Variants in DPP6 observed in about 807,000 individuals in gnomAD.
DPP6 encodes dipeptidyl peptidase like 6.
A neutral mutation model predicts 122.6 loss-of-function variants in DPP6; 69 were observed. That is an observed-to-expected ratio of 0.56 (90% CI 0.46 to 0.69). The LOEUF is 0.69. DPP6 is among the 30% of genes least tolerant of loss of function. DPP6 has a pLI of 0.00. For missense variants in DPP6, 928 were observed against 1,116.9 expected, an observed-to-expected ratio of 0.83 and a Z score of 2.41; for synonymous variants, 418 against 433.1, an observed-to-expected ratio of 0.97 and a Z score of 0.43.
At chr7:154,196,236 T>A (rs1798859983) in intron 1 of DPP6, among the ~76,000 whole-genome samples, 1 of 152,154 alleles carries the variant, frequency 6.6e-6, no homozygotes, top group South Asian at 2.1e-4. Flanking sequence ...ATGCCTGTAA[T>A]CCCAGCACTT....
the DPP6 span, among the ~76,000 whole-genome samples, chr7:153,773,125 G>T: frequency 1.4e-5 from 2 of 148,140 alleles, no homozygotes; most frequent in Non-Finnish European, 3.0e-5. Context: ...TCTCCAGGGA[G>T]GTGTAACAAT....
At chr7:154,472,628 TG>T (rs1353773549) in intron 2 of DPP6, among the ~76,000 whole-genome samples, 16 of 152,212 alleles carry the variant, frequency 1.1e-4, no homozygotes, top group Non-Finnish European at 2.1e-4. Flanking sequence ...GCATGGTTTG[TG>T]GAATGTGGCA....
At chr7:154,658,506 A>C (rs527834733) in intron 6 of DPP6, among the ~76,000 whole-genome samples, 314 of 152,268 alleles carry the variant, frequency 2.1e-3, no homozygotes, top group African/African-American at 7.2e-3. Flanking sequence ...GACTGAGAGG[A>C]GGGAGGAGCA....
chr7:154,767,690 ACTCAAGAACACACAGCAGGACTGGGG>A (rs891228221), intron 8 of DPP6, among the ~76,000 whole-genome samples: 2 of 151,956 alleles, frequency 1.3e-5, no homozygotes, highest in African/African-American at 4.8e-5. Flanking sequence ...GCAGATCGGG[ACTCAAGAACACACAGCAGGACTGGGG>A]CTCAAGTCCA....
At chr7:153,972,129 A>G (rs764226301) in intron 1 of DPP6, among the ~76,000 whole-genome samples, 4 of 151,424 alleles carry the variant, frequency 2.6e-5, no homozygotes, top group African/African-American at 7.3e-5. Context: ...TAGGTTTACT[A>G]TCACACTGAT....
chr7:154,223,525 G>T (rs999957020), intron 1 of DPP6, among the ~76,000 whole-genome samples: 1 of 149,374 alleles, frequency 6.7e-6, no homozygotes, highest in African/African-American at 2.5e-5. Flanking sequence ...TGATAGTGGG[G>T]TGTAAGCCAG....
At chr7:154,672,784 G>A (rs539254509) in intron 7 of DPP6, among the ~76,000 whole-genome samples, 2 of 152,182 alleles carry the variant, frequency 1.3e-5, no homozygotes, top group African/African-American at 2.4e-5. Context: ...AGCAGGGGCC[G>A]CCTTCTTCTG....
In DPP6 at chr7:154,140,468, G is replaced by C. The variant is rs567913170; in HGVS notation, c.243+87405G>C. Among the ~76,000 whole-genome samples the C allele has an allele frequency of 8.6e-3, 752 of 87,234 alleles. 5 individuals carry two copies. Among genetic ancestry groups the C allele is most frequent in the African/African-American group, 0.025 (720 of 28,672 alleles). The allele number at this position is 87,234 out of a possible 152,430, so 57.2% of individuals were successfully genotyped here. A position where few individuals can be genotyped will look rare whatever the true frequency, so the allele number is the denominator to read the frequency against. On this transcript the variant is annotated intron_variant, in intron 1 of 25. Coordinates refer to ENST00000377770, the MANE Select transcript of DPP6 (RefSeq NM_130797.4). ...GGAATCCATTTTGGTTTTGGGGTTT[G>C]TTTGTTTGTTTATTTACTTTTTTTA...
chr7:154,381,046 C>CA (rs1382693657), intron 1 of DPP6, among the ~76,000 whole-genome samples: 1 of 152,182 alleles, frequency 6.6e-6, no homozygotes, highest in Non-Finnish European at 1.5e-5. Context: ...ACATCCTGCC[C>CA]TGGGCGTGGG....
chr7:154,380,182 A>G lies in DPP6; in HGVS notation c.244-66032A>G, dbSNP rs79270477. 1.3e-3 allele frequency among the ~76,000 whole-genome samples: 195 copies of G among 152,354 alleles called. 1 individual carries two copies. The highest frequency in any genetic ancestry group is 4.5e-3 in the African/African-American group (187 of 41,584). ...ATTTTGAAAAAATTGGGGAATTTGA[A>G]TTGGGGCTGAACACCTGTGTTGAAT... On this transcript the variant is annotated intron_variant, in intron 1 of 25. Transcript: ENST00000377770.
chr7:154,183,200 CAA>C (rs1798181565), intron 1 of DPP6, among the ~76,000 whole-genome samples: 1 of 152,130 alleles, frequency 6.6e-6, no homozygotes, highest in Non-Finnish European at 1.5e-5. Flanking sequence ...GATTTTTTCT[CAA>C]GTTTCGACTC....
At chr7:154,268,156 G>T (rs962875596) in intron 1 of DPP6, among the ~76,000 whole-genome samples, 2 of 152,134 alleles carry the variant, frequency 1.3e-5, no homozygotes, top group African/African-American at 4.8e-5. Context: ...CCCAGCACTT[G>T]CTGTTTCTAT....
the DPP6 span, among the ~76,000 whole-genome samples, chr7:153,835,868 C>T: frequency 1.3e-5 from 2 of 152,148 alleles, no homozygotes; most frequent in Non-Finnish European, 2.9e-5. Flanking sequence ...CTGAGCATGC[C>T]TGGTACAACA....
Position 154,892,562 on chromosome 7 carries a change from C to T in DPP6, c.*82C>T. The stretch of plus-strand genomic sequence containing the variant: ...GATTTCCCTGCCCTCCCTCTTCCCT[C>T]GGAGGGGCGGGGCGGGGCGGGGCCG... On this transcript the variant is annotated 3_prime_UTR_variant, in exon 26 of 26. Transcript: ENST00000377770. The T allele has an allele frequency of 3.1e-6, 2 of 649,004 alleles. No individual in the cohort carries two copies. The highest frequency in any genetic ancestry group is 5.3e-6 in the Non-Finnish European group (2 of 379,028). 40.2% of individuals were successfully genotyped at this position (649,004 alleles called of 1,614,324 possible).
At chr7:154,156,743 C>G (rs1189539522) in intron 1 of DPP6, among the ~76,000 whole-genome samples, 1 of 152,086 alleles carries the variant, frequency 6.6e-6, no homozygotes, top group Admixed American at 6.5e-5. Context: ...AGATTTAGAC[C>G]TTGAATTTAA....
the DPP6 span, among the ~76,000 whole-genome samples, chr7:153,770,855 C>T: frequency 6.6e-6 from 1 of 151,940 alleles, no homozygotes; most frequent in South Asian, 2.1e-4. Context: ...GACATGCTCA[C>T]CAGTAGATTA....
At chr7:154,714,162 G>A (rs892683039) in intron 7 of DPP6, among the ~76,000 whole-genome samples, 19 of 152,004 alleles carry the variant, frequency 1.2e-4, no homozygotes, top group African/African-American at 4.3e-4. Context: ...AAAGCTATTC[G>A]ACAAGTCTCT....
rs1413035652 is a variant in DPP6, at chr7:154,808,826, G to T, written c.1666+1714G>T. Among the ~76,000 whole-genome samples, 6 of 152,190 alleles carry T rather than the reference G, an allele frequency of 3.9e-5. No individual in the cohort carries two copies. The South Asian group carries it at 1.2e-3, about 32-fold the overall frequency. The stretch of plus-strand genomic sequence containing the variant: ...CACAATCCTGTCTCAGAAGCAGGAG[G>T]CAGCTTCAGCACACAGGAGGTCATG... On this transcript the variant is annotated intron_variant, in intron 16 of 25. Coordinates refer to ENST00000377770, the MANE Select transcript of DPP6 (RefSeq NM_130797.4).
intron 8 of DPP6, among the ~76,000 whole-genome samples, chr7:154,767,614 C>A (rs1032713477): frequency 2.6e-5 from 4 of 152,182 alleles, no homozygotes; most frequent in Non-Finnish European, 5.9e-5. Context: ...GCCAAAGCTT[C>A]TGAGGCTGTG....
Sources: allele counts gnomAD v4.1 joint callset (sites outside exome capture counted in the v4.1 genomes callset), GRCh38; gene constraint gnomAD v4.1.1; transcripts MANE v1.5; gene names NCBI Gene and HGNC (gene_info 2026-07-23, HGNC 2026-07-21).